The following CPXM2 variants were observed in gnomAD, a reference collection of about 807,000 sequenced individuals.
CPXM2 encodes inactive carboxypeptidase-like protein X2.
In CPXM2, 66 loss-of-function variants were observed where a neutral mutation model predicts 86.1. The observed-to-expected ratio is 0.77, with a 90% CI of 0.63 to 0.94. The LOEUF is 0.94. Ranked by LOEUF, CPXM2 falls within the 40% of genes least tolerant of loss-of-function variation. The probability of loss-of-function intolerance (pLI) is 0.00; values close to 1 mark genes in which losing one functional copy is unlikely to be tolerated. For synonymous variants in CPXM2, 388 were observed against 400.2 expected (o/e 0.97, Z 0.36); for missense variants, 948 against 1,026.3 (o/e 0.92, Z 1.04).
chr10:123,900,177 G>T (rs1461282086), intron 2 of CPXM2, among the ~76,000 whole-genome samples: 2 of 152,158 alleles, frequency 1.3e-5, no homozygotes, highest in Non-Finnish European at 2.9e-5. Context: ...TAGTAGTTGG[G>T]ATTACAGGAA....
At chr10:123,775,049 G>A (rs1194965104) in intron 7 of CPXM2, among the ~76,000 whole-genome samples, 1 of 152,198 alleles carries the variant, frequency 6.6e-6, no homozygotes, top group African/African-American at 2.4e-5. Flanking sequence ...CTAAGGCCCA[G>A]AAAGCCATCG....
At chr10:123,796,154 A>C (rs1443976166) in intron 6 of CPXM2, among the ~76,000 whole-genome samples, 1 of 152,226 alleles carries the variant, frequency 6.6e-6, no homozygotes, top group Non-Finnish European at 1.5e-5. Flanking sequence ...CCGCCACAGA[A>C]GGAGGCCCAC....
At chr10:123,888,476 C>T (rs1406667713) in intron 1 of CPXM2, among the ~76,000 whole-genome samples, 1 of 152,174 alleles carries the variant, frequency 6.6e-6, no homozygotes, top group Non-Finnish European at 1.5e-5. Context: ...ATGTTCCTTC[C>T]TATGTAAGTG....
rs951201701 is a variant in CPXM2, at chr10:123,852,725, C to A, written c.513+9889G>T. 3.3e-5 allele frequency among the ~76,000 whole-genome samples: 5 copies of A among 152,136 alleles called. No individual in the cohort carries two copies. The East Asian group carries it at 9.7e-4, about 29-fold the overall frequency. ...CCTGCTGCCCCTTGGCTATACCGAG[C>A]ATGCTATACCTGACCTTTGCTCAAG... On this transcript the variant is annotated intron_variant, in intron 3 of 13. Transcript: ENST00000241305.
At position 123,878,285 on chromosome 10, in the gene CPXM2, T is replaced by G. The variant is rs1214018323; in HGVS notation, c.403+1926A>C. Among the ~76,000 whole-genome samples, 31 of 140,810 alleles carry G rather than the reference T, an allele frequency of 2.2e-4. No homozygotes were observed. The Admixed American group carries it at 2.3e-3, about 10-fold the overall frequency. 92.4% of individuals were successfully genotyped at this position (140,810 alleles called of 152,430 possible). A position where few individuals can be genotyped will look rare whatever the true frequency, so the allele number is the denominator to read the frequency against. On this transcript the variant is annotated intron_variant, in intron 2 of 13. Coordinates refer to ENST00000241305, the MANE Select transcript of CPXM2 (RefSeq NM_198148.3). ...CCCTCCAAGGTTATCCTCGACCCCCTTTTTTTCTCTCTTTTTTTTTTTTTT... is the reference window on the plus strand; with the variant it reads ...CCCTCCAAGGTTATCCTCGACCCCCGTTTTTTCTCTCTTTTTTTTTTTTTT...
At chr10:123,938,747 G>T (rs954776463) in intron 2 of CPXM2, among the ~76,000 whole-genome samples, 2 of 152,188 alleles carry the variant, frequency 1.3e-5, no homozygotes, top group Non-Finnish European at 2.9e-5. Context: ...ACCCGTATAC[G>T]CTCTGGTCTA....
intron 6 of CPXM2, among the ~76,000 whole-genome samples, chr10:123,786,335 C>T (rs1033058940): frequency 6.6e-6 from 1 of 152,058 alleles, no homozygotes; most frequent in South Asian, 2.1e-4. Flanking sequence ...GCAAAGGCTG[C>T]GTTCCTCTTC....
chr10:123,832,342 C>T (rs1449554172), intron 4 of CPXM2, among the ~76,000 whole-genome samples: 5 of 139,528 alleles, frequency 3.6e-5, no homozygotes, highest in African/African-American at 8.0e-5. Context: ...GAGGTGTCTA[C>T]ACTTGCACAG....
At chr10:123,936,832 C>G (rs1945725398) in intron 2 of CPXM2, among the ~76,000 whole-genome samples, 1 of 152,172 alleles carries the variant, frequency 6.6e-6, no homozygotes, top group Non-Finnish European at 1.5e-5. Flanking sequence ...CCTTCCTCAT[C>G]TTCCTCTTCC....
intron 2 of CPXM2, 40 bp downstream of exon 2, chr10:123,880,171 C>A: frequency 2.1e-6 from 1 of 479,258 alleles, no homozygotes; most frequent in Non-Finnish European, 3.9e-6. Context: ...CTGAACAGGG[C>A]CTAGGACTGG....
intron 2 of CPXM2, among the ~76,000 whole-genome samples, chr10:123,867,867 C>T (rs1165612352): frequency 1.3e-5 from 2 of 152,130 alleles, no homozygotes; most frequent in Admixed American, 6.5e-5. Flanking sequence ...TACTCAATGT[C>T]CAAAATGAAT....
chr10:123,765,621 A>C (rs1233803981), intron 10 of CPXM2, among the ~76,000 whole-genome samples: 1 of 152,244 alleles, frequency 6.6e-6, no homozygotes, highest in Non-Finnish European at 1.5e-5. Flanking sequence ...GGGAAACATG[A>C]GAGCAGATTT....
intron 4 of CPXM2, among the ~76,000 whole-genome samples, chr10:123,814,937 A>T (rs1193446714): frequency 6.6e-6 from 1 of 152,176 alleles, no homozygotes. Flanking sequence ...AGCTGGGAGG[A>T]TCACTTGAAC....
intron 7 of CPXM2, among the ~76,000 whole-genome samples, chr10:123,774,532 G>A (rs886522540): frequency 4.6e-5 from 7 of 152,302 alleles, no homozygotes; most frequent in Middle Eastern, 3.4e-3. Flanking sequence ...TGACTGGGAA[G>A]AGTGGTTTAA....
intron 2 of CPXM2, among the ~76,000 whole-genome samples, chr10:123,863,262 C>T (rs1848895713): frequency 6.6e-6 from 1 of 152,214 alleles, no homozygotes; most frequent in Admixed American, 6.5e-5. Flanking sequence ...ATGCTTAAAG[C>T]AGCATCCAGA....
intron 1 of CPXM2, among the ~76,000 whole-genome samples, chr10:123,882,641 C>T (rs532554083): frequency 3.4e-4 from 52 of 152,318 alleles, no homozygotes; most frequent in African/African-American, 1.2e-3. Context: ...TCACGACAAC[C>T]TTCCTTCAGC....
chr10:123,845,414 C>T (rs1260973700), intron 3 of CPXM2, among the ~76,000 whole-genome samples: 1 of 151,634 alleles, frequency 6.6e-6, no homozygotes, highest in Non-Finnish European at 1.5e-5. Context: ...TTTCATGAAA[C>T]AAGAACAGAA....
rs1367238015 is a variant in CPXM2 at position 123,746,946 on chromosome 10, T to G, written c.2089A>C (p.Thr697Pro). The G allele has an allele frequency of 3.1e-6, 5 of 1,614,092 alleles. No individual in the cohort carries two copies. In the African/African-American group the frequency reaches 6.7e-5, roughly 22 times the overall value. Residue 697 changes from threonine (T) to proline (P), a missense_variant, in exon 14 of 14, where the codon ACT becomes CCT. Physicochemically the swap from Thr to Pro is conservative, Grantham distance 38. Transcript: ENST00000241305. ...ACCATACAGTTCTTGGTGGATGCAG[T>G]GAAACCTTCGGCCTTTGCTGTGACC... ...YVVTAKAEGF[T>P]ASTKNCMVGY...
intron 3 of CPXM2, among the ~76,000 whole-genome samples, chr10:123,856,920 A>G (rs1483017813): frequency 6.6e-6 from 1 of 152,152 alleles, no homozygotes; most frequent in African/African-American, 2.4e-5. Context: ...GTCATTGTCA[A>G]TATGTTCTCT....
Sources: gnomAD v4.1 joint callset for allele counts (sites outside exome capture counted in the v4.1 genomes callset) on GRCh38, gnomAD v4.1.1 for gene constraint, MANE v1.5 for transcripts, NCBI Gene and HGNC (gene_info 2026-07-23, HGNC 2026-07-21) for gene names.